CMPK2: variants seen among roughly 807,000 people sequenced by gnomAD.
CMPK2 encodes the protein cytidine/uridine monophosphate kinase 2, also known as UMP-CMP kinase 2, mitochondrial.
A neutral mutation model predicts 33.4 loss-of-function variants in CMPK2; 32 were observed. The observed-to-expected ratio is 0.96, with a 90% CI of 0.72 to 1.29. The LOEUF (loss-of-function observed/expected upper bound fraction) is 1.29. CMPK2 is among the 50% of genes most tolerant of loss of function. The pLI, the probability that CMPK2 is intolerant of heterozygous loss-of-function variation, is 0.00. For missense variants in CMPK2, 672 were observed against 616.0 expected (o/e 1.09, Z -0.96); for synonymous variants, 299 against 275.3 (o/e 1.09, Z -0.85).
At chr2:6,857,091 C>G (rs892132314) in intron 3 of CMPK2, among the ~76,000 whole-genome samples, 1 of 152,152 alleles carries the variant, frequency 6.6e-6, no homozygotes, top group East Asian at 1.9e-4. Flanking sequence ...ATGAGAGTTT[C>G]TATTGATCCA....
In CMPK2 at chr2:6,865,670, G is replaced by C; in HGVS notation, c.27C>G (p.Arg9=). 4 of 1,307,472 alleles carry C rather than the reference G, an allele frequency of 3.1e-6. No homozygotes were observed. The South Asian group carries it at 9.1e-5, about 30-fold the overall frequency. The allele number at this position is 1,307,472 out of a possible 1,614,324, so 81.0% of individuals were successfully genotyped here. MAFARRLL[R]GPLSGPLLGR... is the part of the protein sequence containing the mutation. ...CGAGCAGCGGCCCCGACAGTGGCCC[G>C]CGCAGGAGCCGGCGGGCGAAGGCCA... The change falls in exon 1 of 5, where the codon CGC becomes CGG. Residue 9 remains arginine (R), a synonymous_variant. Coordinates refer to ENST00000256722, the MANE Select transcript of CMPK2 (RefSeq NM_207315.4).
intron 3 of CMPK2, among the ~76,000 whole-genome samples, chr2:6,860,595 T>A (rs1662843175): frequency 6.6e-6 from 1 of 152,208 alleles, no homozygotes; most frequent in African/African-American, 2.4e-5. Context: ...CCTTCCACCA[T>A]GATTGTGAGG....
intron 3 of CMPK2, among the ~76,000 whole-genome samples, chr2:6,842,293 T>A (rs1255378936): frequency 6.6e-6 from 1 of 152,230 alleles, no homozygotes; most frequent in African/African-American, 2.4e-5. Flanking sequence ...TTAACTGAAC[T>A]GCAGATCCCT....
At chr2:6,862,361 C>A (rs1386520594) in intron 2 of CMPK2, among the ~76,000 whole-genome samples, 1 of 152,156 alleles carries the variant, frequency 6.6e-6, no homozygotes, top group South Asian at 2.1e-4. Flanking sequence ...CCAAACTCAC[C>A]CTCCTGATAG....
Position 6,849,712 on chromosome 2 carries a change from T to C in CMPK2, c.*138A>G. The C allele has an allele frequency of 6.6e-7, 1 of 1,519,612 alleles. No individual in the cohort carries two copies. The highest frequency in any genetic ancestry group is 1.3e-5 in the South Asian group (1 of 75,980). 94.1% of individuals were successfully genotyped at this position (1,519,612 alleles called of 1,614,324 possible). On this transcript the variant is annotated 3_prime_UTR_variant, in exon 5 of 5. Coordinates refer to ENST00000256722, the MANE Select transcript of CMPK2 (RefSeq NM_207315.4). Reference sequence around the variant, plus strand: ...GAGGGTACGATGGCTGAAGTAAAATTAAGATGCCTGGTCTCCAGTTTTCTG... The same window carrying C: ...GAGGGTACGATGGCTGAAGTAAAATCAAGATGCCTGGTCTCCAGTTTTCTG...
At chr2:6,850,620 G>T (rs891928802) in intron 4 of CMPK2, 1 of 467,876 alleles carries the variant, frequency 2.1e-6, no homozygotes. Context: ...TCAGTTTCCT[G>T]TTCTGCAAAA....
chr2:6,847,007 G>C (rs985746199), downstream of CMPK2, among the ~76,000 whole-genome samples: 1 of 152,160 alleles, frequency 6.6e-6, no homozygotes, highest in African/African-American at 2.4e-5. Flanking sequence ...GGGTGAAGTT[G>C]GAGTGAAACT....
rs757211308 is a variant in CMPK2 at position 6,851,680 on chromosome 2, G to A, written c.996C>T (p.Tyr332=). 1.2e-6 allele frequency: 2 copies of A among 1,613,810 alleles called. No individual in the cohort carries two copies. Among genetic ancestry groups the A allele is most frequent in the African/African-American group, 1.3e-5 (1 of 74,910 alleles). ...TGGCATAGGTGGCCGTGCTGTGCCA[G>A]TACCTGAGAAGGAATGGGGTAGTGA... The part of the protein sequence containing the change: ...SAKSPVIVDR[Y]WHSTATYAIA... The change falls in exon 4 of 5, where the codon TAC becomes TAT. Residue 332 remains tyrosine, a synonymous_variant. Coordinates refer to ENST00000256722, the MANE Select transcript of CMPK2 (RefSeq NM_207315.4).
upstream of CMPK2, chr2:6,866,268 T>G: frequency 4.2e-6 from 1 of 240,730 alleles, no homozygotes; most frequent in Non-Finnish European, 6.9e-6. Flanking sequence ...CTCCCCGACC[T>G]CAACTCCTAG....
chr2:6,863,542 C>G lies in CMPK2; in HGVS notation c.712G>C (p.Asp238His), dbSNP rs1662946778. The G allele has an allele frequency of 6.2e-7, 1 of 1,614,192 alleles. No individual in the cohort carries two copies. The highest frequency in any genetic ancestry group is 8.5e-7 in the Non-Finnish European group (1 of 1,180,028). Residue 238 changes from aspartate to histidine, a missense_variant, in exon 2 of 5, where the codon GAC becomes CAC. Asp to His is a moderately conservative substitution (Grantham distance 81, BLOSUM62 -1). Coordinates refer to ENST00000256722, the MANE Select transcript of CMPK2 (RefSeq NM_207315.4). Reference sequence around the variant, plus strand: ...TGTTTTGGGCACTGGTCGACCAGGTCAAGCACTGCCCGGGCTTCAGGAATA... The same window carrying G: ...TGTTTTGGGCACTGGTCGACCAGGTGAAGCACTGCCCGGGCTTCAGGAATA... ...SFIPEARAVL[D>H]LVDQCPKQIQ...
Position 6,849,031 on chromosome 2 carries a change from T to C in CMPK2, c.*819A>G. 1 of 982,514 alleles carries C rather than the reference T, an allele frequency of 1.0e-6. No individual in the cohort carries two copies. Among genetic ancestry groups the C allele is most frequent in the Non-Finnish European group, 1.2e-6 (1 of 826,972 alleles). The allele number at this position is 982,514 out of a possible 1,614,324, so 60.9% of individuals were successfully genotyped here. On this transcript the variant is annotated 3_prime_UTR_variant, in exon 5 of 5. Transcript: ENST00000256722. ...GAAACATATTATGTATAGATTAATA[T>C]AAATAAATTACTGGATTGGCTAAAT...
chr2:6,862,832 C>T (rs1662922997), intron 2 of CMPK2, among the ~76,000 whole-genome samples: 1 of 152,232 alleles, frequency 6.6e-6, no homozygotes, highest in Non-Finnish European at 1.5e-5. Flanking sequence ...AGGAGAAACT[C>T]CTACGCTGAA....
chr2:6,849,753 G>A lies in CMPK2; in HGVS notation c.*97C>T. The A allele has an allele frequency of 6.4e-7, 1 of 1,574,140 alleles. No individual in the cohort carries two copies. The highest frequency in any genetic ancestry group is 8.6e-7 in the Non-Finnish European group (1 of 1,166,128). On this transcript the variant is annotated 3_prime_UTR_variant, in exon 5 of 5. Coordinates refer to ENST00000256722, the MANE Select transcript of CMPK2 (RefSeq NM_207315.4). ...CAGTTTTCTGCCACACAACATGCTT[G>A]TAGAACAGAAATTTGGGAACACTGC...
rs761084786 is a variant in CMPK2 at position 6,865,110 on chromosome 2, G to A, written c.587C>T (p.Pro196Leu). 7.0e-5 allele frequency: 105 copies of A among 1,506,294 alleles called. No individual in the cohort carries two copies. The highest frequency in any genetic ancestry group is 1.7e-4 in the Middle Eastern group (1 of 5,830). The allele number at this position is 1,506,294 out of a possible 1,614,324, so 93.3% of individuals were successfully genotyped here. Residue 196 changes from proline (P) to leucine (L), a missense_variant, in exon 1 of 5, where the codon CCG (proline) becomes CTG (leucine). By Grantham distance (98) the Pro-to-Leu change is moderately conservative (BLOSUM62 -3). Coordinates refer to ENST00000256722, the MANE Select transcript of CMPK2 (RefSeq NM_207315.4). ...QVGCAQVVPV[P>L]EPPLHPVVPD... ...CACCACCGGGTGCAGCGGGGGCTCC[G>A]GGACGGGCACGACCTGTGCGCAGCC...
downstream of CMPK2, among the ~76,000 whole-genome samples, chr2:6,844,560 G>C (rs550572894): frequency 6.6e-6 from 1 of 152,178 alleles, no homozygotes; most frequent in African/African-American, 2.4e-5. Context: ...ACATCCAAAA[G>C]TGTTTTCTAT....
chr2:6,858,661 T>C (rs1029467649), intron 3 of CMPK2, among the ~76,000 whole-genome samples: 11 of 152,338 alleles, frequency 7.2e-5, no homozygotes, highest in African/African-American at 2.6e-4. Flanking sequence ...TCTGCTGCCA[T>C]GTGAGATGTG....
chr2:6,850,508 T>A (rs1662484683), intron 4 of CMPK2: 1 of 153,234 alleles, frequency 6.5e-6, no homozygotes, highest in South Asian at 2.1e-4. Context: ...TATAGCACTG[T>A]GGTTAAAATA....
downstream of CMPK2, among the ~76,000 whole-genome samples, chr2:6,847,583 G>A (rs576029219): frequency 6.6e-6 from 1 of 152,140 alleles, no homozygotes; most frequent in African/African-American, 2.4e-5. Flanking sequence ...ACATTATGTG[G>A]GGTGAGGCAC....
intron 3 of CMPK2, among the ~76,000 whole-genome samples, chr2:6,860,319 G>C (rs1308280764): frequency 4.6e-5 from 7 of 152,152 alleles, no homozygotes; most frequent in Non-Finnish European, 8.8e-5. Context: ...GGCATGATTG[G>C]TTTTGAAATG....
Sources: allele counts gnomAD v4.1 joint callset (sites outside exome capture counted in the v4.1 genomes callset), GRCh38; gene constraint gnomAD v4.1.1; transcripts MANE v1.5; gene names NCBI Gene and HGNC (gene_info 2026-07-23, HGNC 2026-07-21).